Variants in TAB2 observed in about 807,000 individuals in gnomAD.
TAB2 encodes the protein TGF-beta-activated kinase 1 and MAP3K7-binding protein 2.
TAB2 carries 3 observed loss-of-function variants against 65.0 expected under a neutral mutation model. That is an observed-to-expected ratio of 0.05 (90% confidence interval 0.02 to 0.12). The LOEUF is 0.12. TAB2 is among the 10% of genes least tolerant of loss of function. TAB2 has a pLI of 1.00. For synonymous variants in TAB2, 298 were observed against 285.1 expected (o/e 1.05, Z -0.46); for missense variants, 623 against 840.3 (o/e 0.74, Z 3.20).
At chr6:149,251,779 A>G (rs1356218466) in intron 1 of TAB2, among the ~76,000 whole-genome samples, 5 of 152,200 alleles carry the variant, frequency 3.3e-5, no homozygotes, top group Admixed American at 2.6e-4. Flanking sequence ...CTTTAGCTGT[A>G]CTTTGTTAAA....
At chr6:149,384,524 A>G (rs971357307) in intron 3 of TAB2, among the ~76,000 whole-genome samples, 2 of 152,202 alleles carry the variant, frequency 1.3e-5, no homozygotes, top group African/African-American at 2.4e-5. Context: ...GAAAGAACAA[A>G]TTAAGGTTGG....
intron 1 of TAB2, among the ~76,000 whole-genome samples, chr6:149,306,443 G>C (rs1424808957): frequency 6.6e-6 from 1 of 151,834 alleles, no homozygotes; most frequent in South Asian, 2.1e-4. Flanking sequence ...CCAGCTACTC[G>C]GGAGGCTGAG....
chr6:149,409,530 G>C (rs1562459416), intron 6 of TAB2, 47 bp from the exon 7 acceptor site: 1 of 1,570,760 alleles, frequency 6.4e-7, no homozygotes, highest in Admixed American at 1.7e-5. Context: ...TAATTTTTTA[G>C]ACTTTGTGAT....
At chr6:149,321,525 C>T (rs756055156) in intron 1 of TAB2, 1 of 152,268 alleles carries the variant, frequency 6.6e-6, no homozygotes, top group Non-Finnish European at 1.5e-5. Context: ...TCTCTCAAAA[C>T]AGCCTATTTA....
Position 149,397,651 on chromosome 6 carries a change from C to T in TAB2, c.1651C>T (p.Leu551Phe). The T allele has an allele frequency of 6.2e-7, 1 of 1,614,006 alleles. No homozygotes were observed. The highest frequency in any genetic ancestry group is 8.5e-7 in the Non-Finnish European group (1 of 1,179,980). The change falls in exon 4 of 7, where the codon CTT becomes TTT. Residue 551 changes from leucine to phenylalanine, a missense_variant. Leu to Phe is a conservative substitution (Grantham distance 22). Coordinates refer to ENST00000637181, the MANE Select transcript of TAB2 (RefSeq NM_001292034.3). ...KARMERLQRE[L>F]EIQKKKLDKL... The stretch of plus-strand genomic sequence containing the variant: ...CAGAATGGAACGACTTCAAAGAGAA[C>T]TTGAGATTCAAAAGAAAAAGCTGGA...
chr6:149,301,456 A>G (rs994148347), intron 1 of TAB2, among the ~76,000 whole-genome samples: 3 of 152,206 alleles, frequency 2.0e-5, no homozygotes, highest in African/African-American at 7.2e-5. Context: ...CAACTATAAA[A>G]ATTTCTTAAA....
chr6:149,231,247 G>C (rs767665244), intron 1 of TAB2, among the ~76,000 whole-genome samples: 3 of 152,226 alleles, frequency 2.0e-5, no homozygotes, highest in Non-Finnish European at 2.9e-5. Context: ...TATGAAAAGG[G>C]CAGTGGAGCT....
intron 1 of TAB2, among the ~76,000 whole-genome samples, chr6:149,298,594 G>A (rs1473173537): frequency 3.3e-5 from 5 of 152,078 alleles, no homozygotes; most frequent in African/African-American, 1.2e-4. Context: ...ATGACAGAGA[G>A]AGACCCTGTC....
chr6:149,371,930 A>G (rs2114863547), intron 2 of TAB2, among the ~76,000 whole-genome samples: 1 of 152,350 alleles, frequency 6.6e-6, no homozygotes, highest in Admixed American at 6.5e-5. Flanking sequence ...TCTCCCCCCT[A>G]GAACCCAAGT....
At position 149,264,482 on chromosome 6, in the gene TAB2, T is replaced by TC. The variant is rs1052255278; in HGVS notation, c.-121+45706_-121+45707insC. On this transcript the variant is annotated intron_variant, in intron 1 of 1. Coordinates refer to the TAB2 transcript ENST00000606202. The stretch of plus-strand genomic sequence containing the variant: ...TTTGGTTTTTAATTTTTTTTACTTT[T>TC]TTTGGTAAAAATTGCTGGGGCACCT... 3.9e-5 allele frequency among the ~76,000 whole-genome samples: 6 copies of TC among 151,902 alleles called. No homozygotes were observed. In the East Asian group the frequency reaches 1.2e-3, roughly 30 times the overall value.
chr6:149,387,704 C>G (rs1172373063), intron 3 of TAB2, among the ~76,000 whole-genome samples: 1 of 152,056 alleles, frequency 6.6e-6, no homozygotes, highest in African/African-American at 2.4e-5. Flanking sequence ...TTTTAAAAAA[C>G]TGAAAACAGA....
At chr6:149,405,819 A>T (rs770177560) in intron 6 of TAB2, among the ~76,000 whole-genome samples, 5 of 152,160 alleles carry the variant, frequency 3.3e-5, no homozygotes, top group Admixed American at 2.0e-4. Flanking sequence ...CTGGAGATCT[A>T]GTGTACAACA....
rs372399494 is a variant in TAB2 at position 149,289,753 on chromosome 6, G to A, written c.-121+70977G>A. On this transcript the variant is annotated intron_variant, in intron 1 of 1. Coordinates refer to the TAB2 transcript ENST00000606202. Reference sequence around the variant, plus strand: ...GGCCTGTGACACAACTCTCAGGAGGGCCTGAGAACATGCGCCTAAGTTGGT... The same window carrying A: ...GGCCTGTGACACAACTCTCAGGAGGACCTGAGAACATGCGCCTAAGTTGGT... 2.2e-4 allele frequency among the ~76,000 whole-genome samples: 34 copies of A among 152,342 alleles called. 1 individual carries two copies. The South Asian group carries it at 6.8e-3, about 31-fold the overall frequency.
At chr6:149,357,199 C>T (rs913501482) in intron 1 of TAB2, among the ~76,000 whole-genome samples, 2 of 151,928 alleles carry the variant, frequency 1.3e-5, no homozygotes, top group African/African-American at 2.4e-5. Flanking sequence ...AGGCAGATCA[C>T]GAGGTCAGGA....
At chr6:149,225,596 C>T (rs1449819128) in intron 1 of TAB2, among the ~76,000 whole-genome samples, 2 of 152,114 alleles carry the variant, frequency 1.3e-5, no homozygotes, top group Non-Finnish European at 1.5e-5. Context: ...TTGGGCTTCC[C>T]TCCCTCTTGT....
In TAB2 at chr6:149,378,532, A is replaced by G. The variant is rs1406122148; in HGVS notation, c.617A>G (p.Asn206Ser). 1.2e-6 allele frequency: 2 copies of G among 1,614,142 alleles called. No individual in the cohort carries two copies. Among genetic ancestry groups the G allele is most frequent in the Non-Finnish European group, 1.7e-6 (2 of 1,180,048 alleles). The change falls in exon 3 of 7, where the codon AAC becomes AGC. Residue 206 changes from asparagine (N) to serine (S), a missense_variant. Asn to Ser is a conservative substitution (Grantham distance 46). Coordinates refer to ENST00000637181, the MANE Select transcript of TAB2 (RefSeq NM_001292034.3). Reference sequence around the variant, plus strand: ...CATGGTGTACCTCCACCTGTACTTAACAGTCCACAGGGAAATTCTATCTAT... The same window carrying G: ...CATGGTGTACCTCCACCTGTACTTAGCAGTCCACAGGGAAATTCTATCTAT... The part of the protein sequence containing the change: ...HIHGVPPPVL[N>S]SPQGNSIYIR...
chr6:149,257,034 C>T (rs1175071453), intron 1 of TAB2, among the ~76,000 whole-genome samples: 1 of 152,180 alleles, frequency 6.6e-6, no homozygotes, highest in Non-Finnish European at 1.5e-5. Context: ...AAGCTAGAAA[C>T]CACACAACCA....
At chr6:149,241,409 T>C (rs369965855) in intron 1 of TAB2, among the ~76,000 whole-genome samples, 10 of 152,248 alleles carry the variant, frequency 6.6e-5, no homozygotes, top group African/African-American at 1.7e-4. Flanking sequence ...GTAAATGATT[T>C]TTAATGTTTT....
chr6:149,340,803 A>C (rs976035103), intron 1 of TAB2, among the ~76,000 whole-genome samples: 2 of 152,186 alleles, frequency 1.3e-5, no homozygotes, highest in Non-Finnish European at 2.9e-5. Context: ...TTAACTTTTT[A>C]AAACTTTTAA....
Sources: allele counts gnomAD v4.1 joint callset (sites outside exome capture counted in the v4.1 genomes callset), GRCh38; gene constraint gnomAD v4.1.1; transcripts MANE v1.5; gene names NCBI Gene and HGNC (gene_info 2026-07-23, HGNC 2026-07-21).